The following VPS13B variants were observed in gnomAD, a reference collection of about 807,000 sequenced individuals.
VPS13B encodes intermembrane lipid transfer protein VPS13B.
VPS13B carries 285 observed loss-of-function variants against 426.4 expected under a neutral mutation model. The ratio of observed to expected loss-of-function variants is 0.67; its 90% CI spans 0.61 to 0.74. VPS13B has a LOEUF of 0.74. VPS13B is among the 30% of genes least tolerant of loss of function. The pLI is 0.00. For missense variants in VPS13B, 4,537 were observed against 4,782.6 expected (o/e 0.95, Z 1.51); for synonymous variants, 1,676 against 1,676.4 (o/e 1.00, Z 0.01).
chr8:99,780,166 C>G (rs1811944118), intron 42 of VPS13B, among the ~76,000 whole-genome samples: 1 of 152,006 alleles, frequency 6.6e-6, no homozygotes, highest in Non-Finnish European at 1.5e-5. Context: ...AAAATAAGAG[C>G]TAGTGTGATC....
intron 6 of VPS13B, among the ~76,000 whole-genome samples, chr8:99,114,778 C>T (rs559190450): frequency 3.9e-5 from 6 of 152,234 alleles, no homozygotes; most frequent in East Asian, 3.9e-4. Context: ...CCTAAAAATA[C>T]GATGATTACC....
At chr8:99,465,383 A>G (rs1053187501) in intron 23 of VPS13B, among the ~76,000 whole-genome samples, 6 of 150,584 alleles carry the variant, frequency 4.0e-5, no homozygotes, top group Admixed American at 6.6e-5. Context: ...ATAAATGGAC[A>G]TGAAGTGTAG....
At chr8:99,578,745 T>C (rs1158495257) in intron 33 of VPS13B, among the ~76,000 whole-genome samples, 1 of 152,182 alleles carries the variant, frequency 6.6e-6, no homozygotes, top group Admixed American at 6.5e-5. Flanking sequence ...TAAAAGTAAA[T>C]TACATTCCTA....
intron 7 of VPS13B, 21 bp downstream of exon 7, chr8:99,115,895 A>G (rs1847631341): frequency 1.9e-6 from 3 of 1,607,440 alleles, no homozygotes; most frequent in Admixed American, 1.7e-5. Flanking sequence ...ACTTTATTAA[A>G]CAAAAACTTT....
intron 17 of VPS13B, among the ~76,000 whole-genome samples, chr8:99,239,200 A>G (rs1188798687): frequency 1.3e-5 from 2 of 152,146 alleles, no homozygotes; most frequent in Non-Finnish European, 2.9e-5. Context: ...TCTCCTGGCC[A>G]TTGAGTGTTG....
chr8:99,354,662 A>C (rs1812084698), intron 19 of VPS13B, among the ~76,000 whole-genome samples: 1 of 152,172 alleles, frequency 6.6e-6, no homozygotes, highest in South Asian at 2.1e-4. Flanking sequence ...TTCAGAATTC[A>C]AAGTTATTAA....
chr8:99,514,351 A>G (rs1411329348), intron 29 of VPS13B, among the ~76,000 whole-genome samples: 1 of 152,188 alleles, frequency 6.6e-6, no homozygotes, highest in African/African-American at 2.4e-5. Flanking sequence ...ATTCAGTGGC[A>G]ATAATTACAT....
At position 99,582,585 on chromosome 8, in the gene VPS13B, G is replaced by T. The variant is rs139809071; in HGVS notation, c.5220+4952G>T. ...ATATAAATATTGTTCATTGCTTAGT[G>T]AATTAATGTAGTGTGATAATATTTC... On this transcript the variant is annotated intron_variant, in intron 33 of 61. Coordinates refer to ENST00000357162, the MANE Select transcript of VPS13B (RefSeq NM_152564.5). Among the ~76,000 whole-genome samples the T allele has an allele frequency of 3.3e-5, 5 of 152,168 alleles. No homozygotes were observed. In the East Asian group the frequency reaches 9.7e-4, roughly 29 times the overall value.
chr8:99,683,757 A>G (rs1831253866), intron 35 of VPS13B, among the ~76,000 whole-genome samples: 1 of 152,200 alleles, frequency 6.6e-6, no homozygotes, highest in African/African-American at 2.4e-5. Context: ...GCTTTTCCGT[A>G]GATTCTTATT....
intron 43 of VPS13B, among the ~76,000 whole-genome samples, chr8:99,790,967 G>A (rs891180119): frequency 3.9e-5 from 6 of 152,156 alleles, no homozygotes; most frequent in Admixed American, 1.3e-4. Context: ...TTTTAATACC[G>A]TCTTGAGGCC....
At chr8:99,177,086 G>T (rs1049797769) in intron 16 of VPS13B, among the ~76,000 whole-genome samples, 3 of 152,126 alleles carry the variant, frequency 2.0e-5, no homozygotes, top group Non-Finnish European at 2.9e-5. Flanking sequence ...TGCCACCAAG[G>T]ACATTTATTA....
At chr8:99,486,193 C>T (rs1338206868) in intron 25 of VPS13B, among the ~76,000 whole-genome samples, 3 of 151,228 alleles carry the variant, frequency 2.0e-5, no homozygotes, top group African/African-American at 4.9e-5. Flanking sequence ...GTAGTATGCA[C>T]GACGTCCCAC....
At chr8:99,764,560 C>T (rs946380587) in intron 39 of VPS13B, among the ~76,000 whole-genome samples, 112 of 151,796 alleles carry the variant, frequency 7.4e-4, no homozygotes, top group African/African-American at 2.6e-3. Context: ...ACTACAGGCA[C>T]CTGCCACCAC....
At chr8:99,152,722 C>G (rs1811138587) in intron 14 of VPS13B, among the ~76,000 whole-genome samples, 1 of 152,122 alleles carries the variant, frequency 6.6e-6, no homozygotes, top group Non-Finnish European at 1.5e-5. Flanking sequence ...GGAATTGACA[C>G]CTTTATCATT....
intron 19 of VPS13B, among the ~76,000 whole-genome samples, chr8:99,317,260 G>A (rs1019760249): frequency 6.6e-6 from 1 of 151,920 alleles, no homozygotes; most frequent in Non-Finnish European, 1.5e-5. Context: ...TAAATTATTT[G>A]TACTTATTTA....
At chr8:99,691,969 G>A (rs908799477) in intron 35 of VPS13B, among the ~76,000 whole-genome samples, 4 of 151,948 alleles carry the variant, frequency 2.6e-5, no homozygotes, top group Admixed American at 6.6e-5. Flanking sequence ...ATGGTAAAGG[G>A]ATCAATTCAA....
intron 35 of VPS13B, chr8:99,696,368 G>A (rs1379471769): frequency 3.3e-6 from 1 of 300,478 alleles, no homozygotes; most frequent in Admixed American, 4.3e-5. Flanking sequence ...CTTGGCTTCT[G>A]CCTGCTGTGG....
At chr8:99,663,976 G>A (rs1178549933) in intron 35 of VPS13B, among the ~76,000 whole-genome samples, 1 of 151,484 alleles carries the variant, frequency 6.6e-6, no homozygotes, top group African/African-American at 2.4e-5. Context: ...TACAATTCTG[G>A]CATTTAACAT....
intron 2 of VPS13B, among the ~76,000 whole-genome samples, chr8:99,021,072 C>T (rs1167676711): frequency 6.6e-6 from 1 of 152,180 alleles, no homozygotes; most frequent in African/African-American, 2.4e-5. Flanking sequence ...TAGGGATCAG[C>T]AAACTGTGTC....
Sources: allele counts gnomAD v4.1 joint callset (sites outside exome capture counted in the v4.1 genomes callset), GRCh38; gene constraint gnomAD v4.1.1; transcripts MANE v1.5; gene names NCBI Gene and HGNC (gene_info 2026-07-23, HGNC 2026-07-21).